Variants in SESN1 observed in about 807,000 individuals in gnomAD.
The protein encoded by SESN1 is sestrin-1.
Under a neutral mutation model 59.3 loss-of-function variants are expected in SESN1, and 30 were observed. The ratio of observed to expected loss-of-function variants is 0.51; its 90% confidence interval spans 0.38 to 0.69. SESN1 has a LOEUF of 0.69. Among genes scored for constraint, SESN1 ranks in the 30% least tolerant of loss-of-function variants. The pLI is 0.00. For synonymous variants in SESN1, 197 were observed against 219.9 expected (o/e 0.90, Z 0.92); for missense variants, 566 against 673.0 (o/e 0.84, Z 1.76).
chr6:109,028,521 A>G (rs1385561983), intron 1 of SESN1, among the ~76,000 whole-genome samples: 1 of 152,202 alleles, frequency 6.6e-6, no homozygotes, highest in Non-Finnish European at 1.5e-5. Flanking sequence ...TATTAACTCC[A>G]TGCAGCAAAA....
chr6:109,039,283 A>C (rs913379831), intron 1 of SESN1, among the ~76,000 whole-genome samples: 3 of 152,248 alleles, frequency 2.0e-5, no homozygotes, highest in Non-Finnish European at 4.4e-5. Flanking sequence ...ATTTGTATGG[A>C]ATATAAATTG....
At chr6:109,089,059 A>T (rs78558511) in intron 1 of SESN1, among the ~76,000 whole-genome samples, 7 of 144,516 alleles carry the variant, frequency 4.8e-5, no homozygotes, top group African/African-American at 1.8e-4. Flanking sequence ...CAATGTGTCC[A>T]TTTTTTTTTT....
chr6:109,093,007 G>A (rs1290962843), intron 1 of SESN1, among the ~76,000 whole-genome samples: 1 of 152,088 alleles, frequency 6.6e-6, no homozygotes, highest in Non-Finnish European at 1.5e-5. Context: ...TGTAAAGATT[G>A]ACAAGCATAT....
chr6:109,037,705 AATC>A (rs2114407290), intron 1 of SESN1, among the ~76,000 whole-genome samples: 1 of 152,322 alleles, frequency 6.6e-6, no homozygotes, highest in South Asian at 2.1e-4. Context: ...AAACTTGGAC[AATC>A]ATCAATAAAA....
chr6:109,091,569 T>C (rs562371696), intron 1 of SESN1, among the ~76,000 whole-genome samples: 3 of 152,240 alleles, frequency 2.0e-5, no homozygotes, highest in Admixed American at 6.5e-5. Flanking sequence ...CCGTTCCCTA[T>C]GTCCGGAATG....
intron 1 of SESN1, among the ~76,000 whole-genome samples, chr6:109,061,169 CTTAA>C (rs1185537650): frequency 1.3e-5 from 2 of 152,052 alleles, no homozygotes; most frequent in Non-Finnish European, 2.9e-5. Context: ...ATAAGTTACT[CTTAA>C]TTTTATATTT....
intron 1 of SESN1, among the ~76,000 whole-genome samples, chr6:109,065,492 C>T (rs191440493): frequency 1.3e-5 from 2 of 152,156 alleles, no homozygotes; most frequent in Admixed American, 6.5e-5. Flanking sequence ...TCACACATTC[C>T]TTTCTATTTG....
intron 1 of SESN1, among the ~76,000 whole-genome samples, chr6:109,025,844 T>C (rs1780084197): frequency 6.6e-6 from 1 of 151,784 alleles, no homozygotes; most frequent in Non-Finnish European, 1.5e-5. Flanking sequence ...ATAGAAGGTC[T>C]AATACATATA....
intron 5 of SESN1, 164 bp downstream of exon 5, chr6:108,998,349 C>T: frequency 2.9e-6 from 2 of 688,068 alleles, no homozygotes; most frequent in East Asian, 2.8e-5. Context: ...TAGTGATGAG[C>T]ATGTGAGGCA....
chr6:109,049,432 A>G (rs756594796), intron 1 of SESN1, among the ~76,000 whole-genome samples: 1 of 152,138 alleles, frequency 6.6e-6, no homozygotes, highest in Non-Finnish European at 1.5e-5. Context: ...ATACAAAATT[A>G]TAGCTAGATA....
chr6:109,076,177 A>G (rs1169576002), intron 1 of SESN1, among the ~76,000 whole-genome samples: 2 of 152,228 alleles, frequency 1.3e-5, no homozygotes, highest in Non-Finnish European at 2.9e-5. Context: ...ATGTATCACT[A>G]ATTGTACTGT....
chr6:109,083,449 A>T (rs1264144931), intron 1 of SESN1, among the ~76,000 whole-genome samples: 1 of 152,214 alleles, frequency 6.6e-6, no homozygotes, highest in African/African-American at 2.4e-5. Context: ...CAGATAGTAG[A>T]TACACACACA....
chr6:109,046,655 CG>C (rs1164061329), intron 1 of SESN1, among the ~76,000 whole-genome samples: 1 of 137,854 alleles, frequency 7.3e-6, no homozygotes, highest in Non-Finnish European at 1.6e-5. Flanking sequence ...TCTTCCCAGC[CG>C]CCATCACATC....
chr6:109,035,460 T>G (rs1383347350), intron 1 of SESN1, among the ~76,000 whole-genome samples: 1 of 151,282 alleles, frequency 6.6e-6, no homozygotes, highest in African/African-American at 2.4e-5. Context: ...ATGGAGTAGG[T>G]AGGAAGAACC....
intron 1 of SESN1, among the ~76,000 whole-genome samples, chr6:109,023,146 A>G (rs1780038103): frequency 6.6e-6 from 1 of 152,178 alleles, no homozygotes; most frequent in African/African-American, 2.4e-5. Flanking sequence ...ACATCTCTCA[A>G]TATATCTTCT....
At chr6:109,073,780 C>T (rs1448750080) in intron 1 of SESN1, among the ~76,000 whole-genome samples, 2 of 152,210 alleles carry the variant, frequency 1.3e-5, no homozygotes, top group Admixed American at 6.5e-5. Context: ...GTACAGTTTA[C>T]TGAAGTTCTA....
At chr6:109,067,155 C>T (rs79887338) in intron 1 of SESN1, among the ~76,000 whole-genome samples, 3,081 of 152,234 alleles carry the variant, frequency 0.02, 115 homozygotes, top group African/African-American at 0.071. Context: ...CTCCAGCCCT[C>T]ACTGTTCAAC....
intron 1 of SESN1, among the ~76,000 whole-genome samples, chr6:109,041,021 C>G (rs1780332093): frequency 6.6e-6 from 1 of 151,836 alleles, no homozygotes; most frequent in Admixed American, 6.6e-5. Flanking sequence ...AAATTGCAGG[C>G]CAGGCACAGT....
chr6:109,088,737 A>G (rs1414477547), intron 1 of SESN1, among the ~76,000 whole-genome samples: 1 of 152,194 alleles, frequency 6.6e-6, no homozygotes, highest in African/African-American at 2.4e-5. Flanking sequence ...TATCATCAAG[A>G]CTATAGTTCA....
Sources: allele counts gnomAD v4.1 joint callset (sites outside exome capture counted in the v4.1 genomes callset), GRCh38; gene constraint gnomAD v4.1.1; transcripts MANE v1.5; gene names NCBI Gene and HGNC (gene_info 2026-07-23, HGNC 2026-07-21).